The following CACNG5 variants were observed in gnomAD, a reference collection of about 807,000 sequenced individuals.
CACNG5 encodes the protein calcium voltage-gated channel auxiliary subunit gamma 5.
Under a neutral mutation model 24.8 loss-of-function variants are expected in CACNG5, and 18 were observed. That is an observed-to-expected ratio of 0.73 (90% CI 0.50 to 1.08). The LOEUF is 1.08. Ranked by LOEUF, CACNG5 falls within the 50% of genes least tolerant of loss-of-function variation. CACNG5 has a pLI of 0.00. For missense variants in CACNG5, 349 were observed against 367.9 expected (o/e 0.95, Z 0.42); for synonymous variants, 157 against 149.1 (o/e 1.05, Z -0.39).
At chr17:66,879,578 C>T (rs532865214) in intron 3 of CACNG5, among the ~76,000 whole-genome samples, 11 of 152,242 alleles carry the variant, frequency 7.2e-5, no homozygotes, top group South Asian at 2.1e-4. Flanking sequence ...TCACAGAACT[C>T]GGGCAAGTGC....
At chr17:66,845,339 T>A (rs1301014638) in intron 1 of CACNG5, among the ~76,000 whole-genome samples, 1 of 151,878 alleles carries the variant, frequency 6.6e-6, no homozygotes, top group Non-Finnish European at 1.5e-5. Flanking sequence ...AACTACCTAA[T>A]GCATATGGGG....
chr17:66,838,596 C>A (rs1976516422), intron 1 of CACNG5, among the ~76,000 whole-genome samples: 1 of 151,608 alleles, frequency 6.6e-6, no homozygotes, highest in Non-Finnish European at 1.5e-5. Context: ...CTCCAGGGGG[C>A]AGAGCCTGGA....
chr17:66,889,600 C>A lies in CACNG5; in HGVS notation c.*4360C>A, dbSNP rs77446141. Among the ~76,000 whole-genome samples the A allele has an allele frequency of 5.5e-3, 839 of 152,194 alleles. 51 individuals are homozygous for A. In the East Asian group the frequency reaches 0.12, roughly 21 times the overall value. On this transcript the variant is annotated 3_prime_UTR_variant, in exon 6 of 6. Transcript: ENST00000533854. ...GTTGTGGAGACTTGGTGAGTACAAC[C>A]AAAATCTGATGGCAGAGGCTGGTTG...
rs145214481 is a variant in CACNG5 at position 66,880,644 on chromosome 17, G to A, written c.371G>A (p.Arg124His). 144 of 1,614,138 alleles carry A rather than the reference G, an allele frequency of 8.9e-5. No homozygotes were observed. Among genetic ancestry groups the A allele is most frequent in the Middle Eastern group, 4.9e-4 (3 of 6,062 alleles). ...ATCCTGAACAACATCGGACACATCC[G>A]TCCCCACCGGACGATACTGGCCTTT... ...GFILNNIGHIRPHRTILAFVS... is the reference protein window; with the variant it reads ...GFILNNIGHIHPHRTILAFVS... The change falls in exon 4 of 6, where the codon CGT becomes CAT. Residue 124 changes from arginine (R) to histidine (H), a missense_variant. By Grantham distance (29) the Arg-to-His change is conservative. Transcript: ENST00000533854.
rs746996372 is a variant in CACNG5 at position 66,884,650 on chromosome 17, C to T, written c.559C>T (p.Leu187Phe). Residue 187 changes from leucine to phenylalanine, a missense_variant, in exon 5 of 6, where the codon CTT (leucine) becomes TTT (phenylalanine). Coordinates refer to ENST00000533854, the MANE Select transcript of CACNG5 (RefSeq NM_145811.3). ...GTTTGCCTTCGCCGCCATCTCCTTC[C>T]TTTTAACGGAGGTAAAGCCCGTCAC... ...WSFAFAAISFLLTESAGVMSV... is the reference protein window; with the variant it reads ...WSFAFAAISFFLTESAGVMSV... 2 of 1,614,212 alleles carry T rather than the reference C, an allele frequency of 1.2e-6. No individual in the cohort carries two copies. The highest frequency in any genetic ancestry group is 8.5e-7 in the Non-Finnish European group (1 of 1,180,054).
chr17:66,867,260 A>T (rs1372295574), intron 1 of CACNG5, among the ~76,000 whole-genome samples: 1 of 152,084 alleles, frequency 6.6e-6, no homozygotes, highest in South Asian at 2.1e-4. Context: ...TGGCCACATA[A>T]ATGTCTTCTT....
intron 1 of CACNG5, among the ~76,000 whole-genome samples, chr17:66,870,812 C>T (rs1976995603): frequency 6.6e-6 from 1 of 152,140 alleles, no homozygotes; most frequent in South Asian, 2.1e-4. Flanking sequence ...AACCCCATCT[C>T]TATTTAAAAA....
intron 1 of CACNG5, among the ~76,000 whole-genome samples, chr17:66,868,398 A>G (rs577915196): frequency 1.4e-4 from 21 of 152,266 alleles, no homozygotes; most frequent in Admixed American, 1.1e-3. Flanking sequence ...GGGCAGAGAG[A>G]GCCTCACACT....
intron 1 of CACNG5, among the ~76,000 whole-genome samples, chr17:66,851,674 C>G (rs1976710584): frequency 6.6e-6 from 1 of 151,696 alleles, no homozygotes; most frequent in Non-Finnish European, 1.5e-5. Flanking sequence ...ATAAAATTGC[C>G]CAAACTGAGG....
At chr17:66,838,689 C>T (rs1976517788) in intron 1 of CACNG5, among the ~76,000 whole-genome samples, 1 of 152,132 alleles carries the variant, frequency 6.6e-6, no homozygotes, top group African/African-American at 2.4e-5. Flanking sequence ...TGATTCTCGA[C>T]CACATCTATT....
intron 1 of CACNG5, among the ~76,000 whole-genome samples, chr17:66,843,211 C>G (rs887079798): frequency 7.9e-5 from 12 of 152,130 alleles, no homozygotes; most frequent in Non-Finnish European, 1.5e-4. Context: ...AGCGGCAAAG[C>G]CAGGATTTGA....
chr17:66,847,869 C>T (rs1006285044), intron 1 of CACNG5, among the ~76,000 whole-genome samples: 2 of 152,220 alleles, frequency 1.3e-5, no homozygotes, highest in African/African-American at 4.8e-5. Flanking sequence ...ACCAGGTGCT[C>T]TGAGGCCAGC....
chr17:66,885,556 C>A lies in CACNG5; in HGVS notation c.*316C>A. 2.9e-6 allele frequency: 1 copy of A among 345,480 alleles called. No individual in the cohort carries two copies. The highest frequency in any genetic ancestry group is 5.3e-6 in the Non-Finnish European group (1 of 190,304). 21.4% of individuals were successfully genotyped at this position (345,480 alleles called of 1,614,324 possible). A position where few individuals can be genotyped will look rare whatever the true frequency, so the allele number is the denominator to read the frequency against. ...CCAAGCCCAGGAGACACCGATGTTC[C>A]CTTTGTATATTCTTCCTGCACCCCC... is the stretch of plus-strand genomic sequence containing the variant. On this transcript the variant is annotated 3_prime_UTR_variant, in exon 6 of 6. Transcript: ENST00000533854.
rs966273119 is a variant in CACNG5 at position 66,893,852 on chromosome 17, GA to G, written c.*8621del. ...AGTTGATGGGTGTGTGGGGTGCAAA[GA>G]AAAAAAAAGTGAAGTGAGAATAAAT... is the stretch of plus-strand genomic sequence containing the variant. On this transcript the variant is annotated 3_prime_UTR_variant, in exon 6 of 6. Coordinates refer to ENST00000533854, the MANE Select transcript of CACNG5 (RefSeq NM_145811.3). Among the ~76,000 whole-genome samples the G allele has an allele frequency of 3.3e-5, 5 of 150,688 alleles. No homozygotes were observed. The highest frequency in any genetic ancestry group is 2.0e-4 in the Admixed American group (3 of 15,166).
chr17:66,842,661 T>C (rs1406330994), intron 1 of CACNG5, among the ~76,000 whole-genome samples: 1 of 152,104 alleles, frequency 6.6e-6, no homozygotes, highest in African/African-American at 2.4e-5. Flanking sequence ...TCTTGCAGCC[T>C]CTCTAACACC....
chr17:66,843,339 G>A (rs5821502), intron 1 of CACNG5, among the ~76,000 whole-genome samples: 3 of 152,184 alleles, frequency 2.0e-5, no homozygotes, highest in African/African-American at 4.8e-5. Flanking sequence ...GGCAAAGGGG[G>A]ACAGGACATT....
At chr17:66,877,597 G>T (rs1598060951) in intron 2 of CACNG5, 69 bp downstream of exon 2, 13 of 1,334,086 alleles carry the variant, frequency 9.7e-6, no homozygotes, top group Non-Finnish European at 1.3e-5. Context: ...TCCCTCCCTG[G>T]GAAGAGATGG....
In CACNG5 at chr17:66,886,766, A is replaced by G. The variant is rs533554314; in HGVS notation, c.*1526A>G. 6.8e-4 allele frequency among the ~76,000 whole-genome samples: 103 copies of G among 152,324 alleles called. No individual in the cohort carries two copies. Among genetic ancestry groups the G allele is most frequent in the African/African-American group, 2.5e-3 (102 of 41,570 alleles). On this transcript the variant is annotated 3_prime_UTR_variant, in exon 6 of 6. Transcript: ENST00000533854. ...CCGGGCTGCCGCAATGAACTACCACAGACTGAGTGGCTTAAATAACGCACA... is the reference window on the plus strand; with the variant it reads ...CCGGGCTGCCGCAATGAACTACCACGGACTGAGTGGCTTAAATAACGCACA...
At chr17:66,843,039 TA>T (rs1976588818) in intron 1 of CACNG5, among the ~76,000 whole-genome samples, 1 of 152,228 alleles carries the variant, frequency 6.6e-6, no homozygotes, top group African/African-American at 2.4e-5. Flanking sequence ...TGGTGGCCAA[TA>T]ATAACTCCCA....
Sources: allele counts gnomAD v4.1 joint callset (sites outside exome capture counted in the v4.1 genomes callset), GRCh38; gene constraint gnomAD v4.1.1; transcripts MANE v1.5; gene names NCBI Gene and HGNC (gene_info 2026-07-23, HGNC 2026-07-21).